Variants in POLN observed in about 807,000 individuals in gnomAD.
POLN encodes the protein DNA polymerase nu, also known as DNA polymerase N.
A neutral mutation model predicts 113.5 loss-of-function variants in POLN; 108 were observed. The ratio of observed to expected loss-of-function variants is 0.95; its 90% confidence interval spans 0.81 to 1.12. The LOEUF (loss-of-function observed/expected upper bound fraction) is 1.12, where lower values mean the gene tolerates loss of function less well. Ranked by LOEUF, POLN falls within the 50% of genes most tolerant of loss-of-function variation. The probability of loss-of-function intolerance (pLI) is 0.00; values close to 1 mark genes in which losing one functional copy is unlikely to be tolerated. For synonymous variants in POLN, 386 were observed against 391.5 expected (o/e 0.99, Z 0.17); for missense variants, 1,097 against 1,077.1 (o/e 1.02, Z -0.26).
At chr4:2,173,858 G>A in intron 11 of POLN, 97 bp downstream of exon 11, 1 of 1,165,840 alleles carries the variant, frequency 8.6e-7, no homozygotes. Context: ...ACAAGGAAGA[G>A]AAGAAAAGGA....
chr4:2,111,901 G>T, intron 19 of POLN, among the ~76,000 whole-genome samples: 1 of 152,104 alleles, frequency 6.6e-6, no homozygotes, highest in East Asian at 1.9e-4. Context: ...AGTCCATATG[G>T]AACCAAAATA....
chr4:2,217,968 G>A (rs1477524621), intron 3 of POLN, among the ~76,000 whole-genome samples: 1 of 152,244 alleles, frequency 6.6e-6, no homozygotes, highest in Non-Finnish European at 1.5e-5. Flanking sequence ...GACTCGACCA[G>A]TTAACATCTT....
intron 3 of POLN, among the ~76,000 whole-genome samples, chr4:2,217,310 G>T (rs989062721): frequency 6.6e-6 from 1 of 152,212 alleles, no homozygotes; most frequent in African/African-American, 2.4e-5. Context: ...AAATCAGGCT[G>T]TTCAGAGCCC....
At chr4:2,090,463 G>T in intron 20 of POLN, 1 of 565,248 alleles carries the variant, frequency 1.8e-6, no homozygotes. Flanking sequence ...TTCTTCTATA[G>T]GCTCAACGGA....
chr4:2,216,675 G>A (rs1445882442), intron 3 of POLN, among the ~76,000 whole-genome samples: 1 of 152,240 alleles, frequency 6.6e-6, no homozygotes, highest in Non-Finnish European at 1.5e-5. Flanking sequence ...CTGAATCCAT[G>A]AGAATGGGAA....
chr4:2,218,033 T>C (rs113837799), intron 3 of POLN, among the ~76,000 whole-genome samples: 50 of 152,306 alleles, frequency 3.3e-4, no homozygotes, highest in African/African-American at 1.2e-3. Flanking sequence ...TGTGCACTTG[T>C]AGTCCCAGCT....
At chr4:2,095,808 T>A (rs1207857024) in intron 20 of POLN, 43 bp downstream of exon 20, 1 of 1,563,056 alleles carries the variant, frequency 6.4e-7, no homozygotes, top group Non-Finnish European at 8.8e-7. Flanking sequence ...AGCTGCCAGC[T>A]TACAGGTAAC....
chr4:2,221,123 A>C (rs1461527432), intron 3 of POLN, among the ~76,000 whole-genome samples: 1 of 152,090 alleles, frequency 6.6e-6, no homozygotes, highest in East Asian at 1.9e-4. Context: ...CTCAAGATTT[A>C]TTTTTTAAAT....
At position 2,173,935 on chromosome 4, in the gene POLN, C is replaced by G; in HGVS notation, c.1374+20G>C. 1 of 1,611,660 alleles carries G rather than the reference C, an allele frequency of 6.2e-7. No homozygotes were observed. The highest frequency in any genetic ancestry group is 8.5e-7 in the Non-Finnish European group (1 of 1,177,800). Reference sequence around the variant, plus strand: ...CAGGAAAGAGATGGCCAGTACAAACCATCTGGAATAATAACTTACCCCAAG... The same window carrying G: ...CAGGAAAGAGATGGCCAGTACAAACGATCTGGAATAATAACTTACCCCAAG... On this transcript the variant is annotated intron_variant, in intron 11 of 25. Transcript: ENST00000511885.
chr4:2,079,184 G>A (rs1332428829), intron 23 of POLN: 3 of 184,170 alleles, frequency 1.6e-5, no homozygotes, highest in Non-Finnish European at 2.1e-5. Flanking sequence ...CACCCGACTC[G>A]GCCTCCCAAA....
chr4:2,167,492 A>G lies in POLN; in HGVS notation c.1554+3187T>C, dbSNP rs142055252. ...CACAGGACTCTAAACTACACTGCAC[A>G]GGTACAAGGGGACATGTGTTCTTCA... On this transcript the variant is annotated intron_variant, in intron 13 of 25. Coordinates refer to ENST00000511885, the MANE Select transcript of POLN (RefSeq NM_181808.4). 1.7e-3 allele frequency among the ~76,000 whole-genome samples: 258 copies of G among 152,342 alleles called. 1 individual carries two copies. The highest frequency in any genetic ancestry group is 5.8e-3 in the African/African-American group (241 of 41,578).
rs375446491 is a variant in POLN at position 2,225,087 on chromosome 4, T to C, written c.133+4012A>G. On this transcript the variant is annotated intron_variant, in intron 3 of 25. Transcript: ENST00000511885. ...ATACGGTCTGTCGTTGACCAAAACA[T>C]CATTCATTATGCAACACATGACTCT... 7.9e-5 allele frequency among the ~76,000 whole-genome samples: 12 copies of C among 152,082 alleles called. No homozygotes were observed. In the East Asian group the frequency reaches 1.7e-3, roughly 22 times the overall value.
Position 2,170,837 on chromosome 4 carries a change from T to C in POLN, c.1459-63A>G, listed in dbSNP as rs1418801893. 24 of 1,431,426 alleles carry C rather than the reference T, an allele frequency of 1.7e-5. No individual in the cohort carries two copies. In the South Asian group the frequency reaches 2.4e-4, roughly 14 times the overall value. 88.7% of individuals were successfully genotyped at this position (1,431,426 alleles called of 1,614,324 possible). A position where few individuals can be genotyped will look rare whatever the true frequency, so the allele number is the denominator to read the frequency against. On this transcript the variant is annotated intron_variant, in intron 12 of 25. Transcript: ENST00000511885. ...ACATTTGAGAGAAACAGAACATTAC[T>C]ATAGCAGAGCCCATGCCAACAGCCA...
At chr4:2,083,202 G>GCT (rs761977577) in intron 21 of POLN, among the ~76,000 whole-genome samples, 8 of 151,788 alleles carry the variant, frequency 5.3e-5, no homozygotes, top group Non-Finnish European at 1.0e-4. Context: ...GATTTACAAG[G>GCT]CTCTCTCTCT....
intron 21 of POLN, among the ~76,000 whole-genome samples, chr4:2,084,684 C>T (rs1001053426): frequency 6.6e-6 from 1 of 152,204 alleles, no homozygotes; most frequent in Non-Finnish European, 1.5e-5. Flanking sequence ...GAGAGGCTCA[C>T]GGAGAGGGTC....
At chr4:2,154,183 G>A (rs1461258595) in intron 16 of POLN, among the ~76,000 whole-genome samples, 1 of 110,082 alleles carries the variant, frequency 9.1e-6, no homozygotes, top group South Asian at 3.5e-4. Context: ...GGGCGACAGC[G>A]AGACTCCATC....
intron 7 of POLN, among the ~76,000 whole-genome samples, chr4:2,191,689 G>A (rs9996707): frequency 0.24 from 37,157 of 151,860 alleles, 6,968 homozygotes; most frequent in African/African-American, 0.51. Context: ...GCTTGGGGGT[G>A]GGGAGAGATG....
chr4:2,217,321 A>G (rs932938975), intron 3 of POLN, among the ~76,000 whole-genome samples: 3 of 152,176 alleles, frequency 2.0e-5, no homozygotes, highest in African/African-American at 7.2e-5. Context: ...TTCAGAGCCC[A>G]CCCACCATGA....
At position 2,208,308 on chromosome 4, in the gene POLN, T is replaced by C. The variant is rs1156830818; in HGVS notation, c.393A>G (p.Lys131=). 1.2e-6 allele frequency: 2 copies of C among 1,606,464 alleles called. No individual in the cohort carries two copies. Among genetic ancestry groups the C allele is most frequent in the Non-Finnish European group, 1.7e-6 (2 of 1,176,332 alleles). Reference sequence around the variant, plus strand: ...GGAAATGCTTTCTTTTATGCCCCTTTTTCTGTAGAACTGAAGCCTCTTGAT... The same window carrying C: ...GGAAATGCTTTCTTTTATGCCCCTTCTTCTGTAGAACTGAAGCCTCTTGAT... ...QYNQEASVLQ[K]KGHKRKHFLM... The change falls in exon 5 of 26, where the codon AAA becomes AAG. Residue 131 remains lysine (K), a synonymous_variant. Transcript: ENST00000511885.
Sources: gnomAD v4.1 joint callset for allele counts (sites outside exome capture counted in the v4.1 genomes callset) on GRCh38, gnomAD v4.1.1 for gene constraint, MANE v1.5 for transcripts, NCBI Gene and HGNC (gene_info 2026-07-23, HGNC 2026-07-21) for gene names.